The following UMAD1 variants were observed in gnomAD, a reference collection of about 807,000 sequenced individuals.
UMAD1 encodes the protein UBAP1-MVB12-associated (UMA) domain containing 1.
UMAD1 carries 8 observed loss-of-function variants against 6.1 expected under a neutral mutation model. That is an observed-to-expected ratio of 1.30 (90% CI 0.76 to 2.35). UMAD1 has a LOEUF of 2.35. Among genes scored for constraint, UMAD1 ranks in the 30% most tolerant of loss-of-function variants. The pLI is 0.00. For synonymous variants in UMAD1, 56 were observed against 31.4 expected (o/e 1.78, Z -2.61); for missense variants, 130 against 78.4 (o/e 1.66, Z -2.49).
chr7:7,795,260 A>G (rs1782652333), intron 2 of UMAD1, among the ~76,000 whole-genome samples: 1 of 152,236 alleles, frequency 6.6e-6, no homozygotes, highest in South Asian at 2.1e-4. Flanking sequence ...AAACCTCTCC[A>G]AATATTTTAC....
At chr7:7,737,346 T>G (rs1471392727) in intron 2 of UMAD1, among the ~76,000 whole-genome samples, 1 of 152,204 alleles carries the variant, frequency 6.6e-6, no homozygotes, top group Non-Finnish European at 1.5e-5. Context: ...TTATGTAAAC[T>G]AAAATACCAG....
chr7:7,770,476 A>C (rs1433791624), intron 2 of UMAD1, among the ~76,000 whole-genome samples: 1 of 152,170 alleles, frequency 6.6e-6, no homozygotes, highest in Non-Finnish European at 1.5e-5. Flanking sequence ...CCCCTTGTTT[A>C]AGCAAGAGAG....
chr7:7,706,820 G>C (rs1780613495), intron 2 of UMAD1, among the ~76,000 whole-genome samples: 1 of 152,118 alleles, frequency 6.6e-6, no homozygotes, highest in Non-Finnish European at 1.5e-5. Flanking sequence ...CATCCTATCT[G>C]TTGGTTTTGT....
intron 2 of UMAD1, among the ~76,000 whole-genome samples, chr7:7,754,703 C>A (rs1781742081): frequency 6.6e-6 from 1 of 152,102 alleles, no homozygotes; most frequent in Non-Finnish European, 1.5e-5. Flanking sequence ...TGAATAATTT[C>A]ATTATTGGAA....
At chr7:7,800,598 C>G (rs1782780093) in intron 2 of UMAD1, among the ~76,000 whole-genome samples, 1 of 152,150 alleles carries the variant, frequency 6.6e-6, no homozygotes, top group Non-Finnish European at 1.5e-5. Context: ...CTCTCCCACC[C>G]TTTCCCCTGA....
At chr7:7,658,457 T>G (rs1476743039) in intron 1 of UMAD1, among the ~76,000 whole-genome samples, 2 of 152,232 alleles carry the variant, frequency 1.3e-5, no homozygotes, top group Admixed American at 6.5e-5. Context: ...TTGTCATAAA[T>G]AGCTCTTATT....
chr7:7,773,929 A>T (rs1221025590), intron 2 of UMAD1, among the ~76,000 whole-genome samples: 1 of 152,146 alleles, frequency 6.6e-6, no homozygotes, highest in Non-Finnish European at 1.5e-5. Flanking sequence ...TGGTTTAGAG[A>T]AGAACCCTGG....
intron 3 of UMAD1, among the ~76,000 whole-genome samples, chr7:7,841,430 G>A (rs1399610140): frequency 6.6e-6 from 1 of 150,672 alleles, no homozygotes; most frequent in East Asian, 2.0e-4. Flanking sequence ...AGCCTCCCAA[G>A]TACACTGGGA....
chr7:7,678,410 A>C (rs984579302), intron 2 of UMAD1, among the ~76,000 whole-genome samples: 1 of 145,100 alleles, frequency 6.9e-6, no homozygotes, highest in Admixed American at 7.0e-5. Flanking sequence ...TCAGATATAT[A>C]AAAAAATATA....
rs149868965 is a variant in UMAD1 at position 7,830,190 on chromosome 7, G to A, written c.156+28447G>A. 1.4e-3 allele frequency among the ~76,000 whole-genome samples: 211 copies of A among 152,306 alleles called. No homozygotes were observed. Among genetic ancestry groups the A allele is most frequent in the Middle Eastern group, 3.4e-3 (1 of 294 alleles). On this transcript the variant is annotated intron_variant, in intron 3 of 3. Transcript: ENST00000682710. The surrounding 1 kb of genome is among the most constrained non-coding windows in gnomAD (Gnocchi z 5.3). ...GTCTGGCCAAGCCCCTGCTAGGACTGTGTCTACCTTGTACGTTGTGCTGGA... is the reference window on the plus strand; with the variant it reads ...GTCTGGCCAAGCCCCTGCTAGGACTATGTCTACCTTGTACGTTGTGCTGGA...
At chr7:7,868,137 T>C (rs754350380) in intron 3 of UMAD1, among the ~76,000 whole-genome samples, 8 of 152,186 alleles carry the variant, frequency 5.3e-5, no homozygotes, top group Non-Finnish European at 1.0e-4. Flanking sequence ...ATGAGCTGCC[T>C]GGACAGCTTA....
At chr7:7,839,388 A>C (rs1429023214) in intron 3 of UMAD1, among the ~76,000 whole-genome samples, 1 of 152,074 alleles carries the variant, frequency 6.6e-6, no homozygotes, top group Non-Finnish European at 1.5e-5. Context: ...TTTAAAAAAA[A>C]ATTATTTGTA....
intron 3 of UMAD1, among the ~76,000 whole-genome samples, chr7:7,834,976 T>TA (rs148530479): frequency 0.021 from 3,181 of 152,180 alleles, 119 homozygotes; most frequent in African/African-American, 0.073. Flanking sequence ...CCACACATTT[T>TA]AAAAAAATCA....
intron 3 of UMAD1, among the ~76,000 whole-genome samples, chr7:7,841,770 T>C (rs929273557): frequency 1.3e-5 from 2 of 151,576 alleles, no homozygotes; most frequent in African/African-American, 4.8e-5. Flanking sequence ...CCGCTCTAAT[T>C]TGAAGAGTAA....
intron 2 of UMAD1, among the ~76,000 whole-genome samples, chr7:7,800,460 AG>A (rs1782776700): frequency 6.6e-6 from 1 of 152,072 alleles, no homozygotes. Flanking sequence ...TTATTGCAAT[AG>A]GTTTTGGGGG....
At chr7:7,784,005 G>A (rs1285932889) in intron 2 of UMAD1, among the ~76,000 whole-genome samples, 1 of 152,074 alleles carries the variant, frequency 6.6e-6, no homozygotes, top group Non-Finnish European at 1.5e-5. Context: ...TTTGCCTATG[G>A]CAAACTGATA....
At chr7:7,784,155 T>C (rs1442175675) in intron 2 of UMAD1, among the ~76,000 whole-genome samples, 1 of 152,184 alleles carries the variant, frequency 6.6e-6, no homozygotes, top group African/African-American at 2.4e-5. Context: ...TTTAGGAGTT[T>C]TGTGACACTG....
intron 2 of UMAD1, among the ~76,000 whole-genome samples, chr7:7,734,952 T>C (rs185991700): frequency 4.5e-4 from 69 of 152,286 alleles, no homozygotes; most frequent in African/African-American, 1.6e-3. Flanking sequence ...TATTTTTACA[T>C]AGTAAATATA....
intron 1 of UMAD1, among the ~76,000 whole-genome samples, chr7:7,666,286 CT>C (rs1779453964): frequency 6.6e-6 from 1 of 152,160 alleles, no homozygotes; most frequent in South Asian, 2.1e-4. Flanking sequence ...TCATTGCATG[CT>C]CGACATCCTG....
Sources: gnomAD v4.1 joint callset for allele counts (sites outside exome capture counted in the v4.1 genomes callset) on GRCh38, gnomAD v4.1.1 for gene constraint, Gnocchi (gnomAD v3.1) non-coding constraint, MANE v1.5 for transcripts, NCBI Gene and HGNC (gene_info 2026-07-23, HGNC 2026-07-21) for gene names.